The following ATP2B1 variants were observed in gnomAD, a reference collection of about 807,000 sequenced individuals.
ATP2B1 encodes plasma membrane calcium-transporting ATPase 1.
ATP2B1 carries 14 observed loss-of-function variants against 124.2 expected under a neutral mutation model. The observed-to-expected ratio is 0.11, with a 90% CI of 0.07 to 0.18. The LOEUF (loss-of-function observed/expected upper bound fraction) is 0.18. ATP2B1 is among the 10% of genes least tolerant of loss of function. ATP2B1 has a pLI of 1.00. For synonymous variants in ATP2B1, 449 were observed against 492.4 expected (o/e 0.91, Z 1.17); for missense variants, 763 against 1,466.1 (o/e 0.52, Z 7.83).
intron 2 of ATP2B1, among the ~76,000 whole-genome samples, chr12:89,643,247 T>C (rs765558823): frequency 6.6e-6 from 1 of 151,308 alleles, no homozygotes; most frequent in Non-Finnish European, 1.5e-5. Flanking sequence ...TATGTATATA[T>C]ACACACACAT....
intron 20 of ATP2B1, among the ~76,000 whole-genome samples, chr12:89,592,460 TA>T (rs1426913381): frequency 1.3e-5 from 2 of 152,138 alleles, no homozygotes; most frequent in South Asian, 4.1e-4. Context: ...TGAATGTGTT[TA>T]AAAAAATGTA....
intron 12 of ATP2B1, among the ~76,000 whole-genome samples, chr12:89,612,449 A>C (rs1233502377): frequency 2.0e-5 from 3 of 152,148 alleles, no homozygotes; most frequent in African/African-American, 7.2e-5. Context: ...CAAACCCCCG[A>C]GACAAATGCC....
intron 2 of ATP2B1, among the ~76,000 whole-genome samples, chr12:89,645,441 T>C (rs75817952): frequency 0.015 from 2,343 of 152,296 alleles, 56 homozygotes; most frequent in African/African-American, 0.054. Context: ...AATAAGTTTA[T>C]ACTATCCTGG....
chr12:89,645,371 T>C (rs1391607130), intron 2 of ATP2B1, among the ~76,000 whole-genome samples: 1 of 152,214 alleles, frequency 6.6e-6, no homozygotes, highest in East Asian at 1.9e-4. Context: ...ATTTACTGAA[T>C]ATTTACTACT....
intron 1 of ATP2B1, among the ~76,000 whole-genome samples, chr12:89,669,811 A>G (rs1439862697): frequency 6.6e-6 from 1 of 152,234 alleles, no homozygotes; most frequent in African/African-American, 2.4e-5. Flanking sequence ...TATAGAAGGC[A>G]CACAATATAT....
chr12:89,626,302 G>T, intron 8 of ATP2B1, 152 bp downstream of exon 8: 1 of 829,708 alleles, frequency 1.2e-6, no homozygotes, highest in Non-Finnish European at 1.8e-6. Context: ...AACTCAAAGG[G>T]CCTGGTGCAT....
chr12:89,697,116 T>C (rs528828427), intron 1 of ATP2B1, among the ~76,000 whole-genome samples: 4 of 146,988 alleles, frequency 2.7e-5, no homozygotes, highest in Non-Finnish European at 6.0e-5. Flanking sequence ...AGTTCCTTAA[T>C]AGGAAGACAG....
At chr12:89,598,009 GATTTC>G (rs2135901754) in intron 20 of ATP2B1, among the ~76,000 whole-genome samples, 1 of 98,310 alleles carries the variant, frequency 1.0e-5, no homozygotes, top group East Asian at 3.4e-4. Flanking sequence ...TTTACACAGT[GATTTC>G]CCCTGAAACC....
At chr12:89,662,878 G>T (rs1886868716) in intron 1 of ATP2B1, among the ~76,000 whole-genome samples, 1 of 151,982 alleles carries the variant, frequency 6.6e-6, no homozygotes, top group Non-Finnish European at 1.5e-5. Context: ...AACTTGGCAT[G>T]AACACTTTAG....
chr12:89,658,033 A>T (rs1020951436), intron 1 of ATP2B1, among the ~76,000 whole-genome samples: 1 of 152,224 alleles, frequency 6.6e-6, no homozygotes, highest in South Asian at 2.1e-4. Flanking sequence ...ATCAATTATA[A>T]TAATAATCCA....
intron 1 of ATP2B1, among the ~76,000 whole-genome samples, chr12:89,658,577 T>A (rs1429676442): frequency 1.6e-5 from 2 of 122,136 alleles, no homozygotes; most frequent in African/African-American, 6.2e-5. Flanking sequence ...CTTCACAGAA[T>A]TCAAACAGAG....
intron 1 of ATP2B1, 120 bp from the exon 2 acceptor site, chr12:89,656,227 T>C: frequency 2.5e-6 from 1 of 392,210 alleles, no homozygotes; most frequent in Non-Finnish European, 4.5e-6. Context: ...ATAAATATTT[T>C]TGAACTCCAG....
At position 89,591,231 on chromosome 12, in the gene ATP2B1, C is replaced by T. The variant is rs753652453; in HGVS notation, c.3416G>A (p.Ser1139Asn). The stretch of plus-strand genomic sequence containing the variant: ...ATGTGTCATAAAGTTGTGAATCGAA[C>T]TTCTTGATTCCGGTTTTTCTAACCC... ...YEGLEKPESR[S>N]SIHNFMTHPE... The change falls in exon 21 of 21, where the codon AGT becomes AAT. Residue 1139 changes from serine (S) to asparagine (N), a missense_variant. Ser to Asn is a conservative substitution (Grantham distance 46). Coordinates refer to ENST00000428670, the MANE Select transcript of ATP2B1 (RefSeq NM_001366521.1). The T allele has an allele frequency of 1.2e-6, 2 of 1,612,874 alleles. No individual in the cohort carries two copies. Among genetic ancestry groups the T allele is most frequent in the Non-Finnish European group, 8.5e-7 (1 of 1,179,276 alleles).
intron 20 of ATP2B1, chr12:89,598,559 T>G: frequency 6.3e-7 from 1 of 1,590,894 alleles, no homozygotes; most frequent in Non-Finnish European, 8.6e-7. Context: ...TAGGAAATGT[T>G]AATTTCATGC....
chr12:89,648,441 A>C (rs1482168424), intron 2 of ATP2B1, among the ~76,000 whole-genome samples: 1 of 152,172 alleles, frequency 6.6e-6, no homozygotes, highest in Non-Finnish European at 1.5e-5. Context: ...TTTGAACTTA[A>C]GAGTAATGAC....
chr12:89,673,078 A>G (rs1215785393), intron 1 of ATP2B1, among the ~76,000 whole-genome samples: 1 of 152,202 alleles, frequency 6.6e-6, no homozygotes, highest in East Asian at 1.9e-4. Flanking sequence ...TATTCCTATT[A>G]AGAACTTCCA....
In ATP2B1 at chr12:89,655,732, C is replaced by G. The variant is rs760217595; in HGVS notation, c.155G>C (p.Ser52Thr). The change falls in exon 2 of 21, where the codon AGC becomes ACC. Residue 52 changes from serine (S) to threonine (T), a missense_variant. Transcript: ENST00000428670. ...GCAAATTCCATAGACATCTCCATAG[C>G]TTTCCTGTATTTTTCGTAATGCATC... The part of the protein sequence containing the change: ...STDALRKIQE[S>T]YGDVYGICTK... The G allele has an allele frequency of 1.9e-6, 3 of 1,614,146 alleles. No individual in the cohort carries two copies. Among genetic ancestry groups the G allele is most frequent in the Non-Finnish European group, 2.5e-6 (3 of 1,180,024 alleles).
At chr12:89,708,486 GC>G (rs1463609425) in intron 1 of ATP2B1, 109 bp downstream of exon 1, 3 of 152,048 alleles carry the variant, frequency 2.0e-5, no homozygotes, top group African/African-American at 7.2e-5. Flanking sequence ...TGCGCACCCA[GC>G]TATCAGGATC....
chr12:89,595,058 TTATC>T (rs958390880), intron 20 of ATP2B1, among the ~76,000 whole-genome samples: 17 of 152,110 alleles, frequency 1.1e-4, no homozygotes, highest in African/African-American at 4.1e-4. Context: ...TGTAATGTTC[TTATC>T]TATCTGGAAC....
Sources: allele counts gnomAD v4.1 joint callset (sites outside exome capture counted in the v4.1 genomes callset), GRCh38; gene constraint gnomAD v4.1.1; transcripts MANE v1.5; gene names NCBI Gene and HGNC (gene_info 2026-07-23, HGNC 2026-07-21).